The following NCALD variants were observed in gnomAD, a reference collection of about 807,000 sequenced individuals.
The protein encoded by NCALD is neurocalcin-delta.
Under a neutral mutation model 18.6 loss-of-function variants are expected in NCALD, and 10 were observed. That is an observed-to-expected ratio of 0.54 (90% CI 0.33 to 0.91). The LOEUF is 0.91. NCALD is among the 40% of genes least tolerant of loss of function. The pLI, the probability that NCALD is intolerant of heterozygous loss-of-function variation, is 0.03. For missense variants in NCALD, 184 were observed against 247.6 expected, an observed-to-expected ratio of 0.74 and a Z score of 1.72; for synonymous variants, 88 against 87.4, an observed-to-expected ratio of 1.01 and a Z score of -0.04.
intron 3 of NCALD, among the ~76,000 whole-genome samples, chr8:101,901,298 CA>C (rs60499816): frequency 0.07 from 10,341 of 148,530 alleles, 723 homozygotes; most frequent in African/African-American, 0.18. Context: ...TCCATCATGT[CA>C]AAAAAAAAAT....
intron 1 of NCALD, among the ~76,000 whole-genome samples, chr8:102,109,189 C>A (rs1444893109): frequency 6.6e-6 from 1 of 152,082 alleles, no homozygotes. Context: ...ATTCTTCCCT[C>A]CCTTAGAAAA....
At chr8:101,801,293 C>T (rs1411189247) in intron 4 of NCALD, among the ~76,000 whole-genome samples, 2 of 152,042 alleles carry the variant, frequency 1.3e-5, no homozygotes, top group Non-Finnish European at 2.9e-5. Flanking sequence ...TGGTAACTTA[C>T]ACAACCAGCA....
rs149315691 is a variant in NCALD at position 102,082,192 on chromosome 8, C to T, written c.-210+42045G>A. 2.6e-3 allele frequency among the ~76,000 whole-genome samples: 382 copies of T among 149,056 alleles called. 2 individuals are homozygous for T. Among genetic ancestry groups the T allele is most frequent in the African/African-American group, 9.0e-3 (360 of 40,102 alleles). On this transcript the variant is annotated intron_variant, in intron 1 of 6. Transcript: ENST00000311028. ...GGTGCTTATTATTCTCAAATAATAG[C>T]CCTTTCAATGGGCAGTTATTTGAGA...
intron 2 of NCALD, among the ~76,000 whole-genome samples, chr8:101,700,919 A>C (rs1815235159): frequency 6.6e-6 from 1 of 152,144 alleles, no homozygotes; most frequent in Non-Finnish European, 1.5e-5. Flanking sequence ...ACCACGTCTG[A>C]GTGTGTTGTG....
At chr8:101,763,809 C>A (rs922401881) in intron 1 of NCALD, among the ~76,000 whole-genome samples, 4 of 151,992 alleles carry the variant, frequency 2.6e-5, no homozygotes, top group African/African-American at 9.7e-5. Context: ...AAAACATTGG[C>A]TCTTCCTGGG....
At chr8:101,998,343 C>A (rs980445230) in intron 2 of NCALD, among the ~76,000 whole-genome samples, 1 of 152,118 alleles carries the variant, frequency 6.6e-6, no homozygotes, top group Non-Finnish European at 1.5e-5. Context: ...TTGCAATGGG[C>A]GATTTTGCTG....
At position 101,763,506 on chromosome 8, in the gene NCALD, G is replaced by T. The variant is rs112527481; in HGVS notation, c.-20+27356C>A. On this transcript the variant is annotated intron_variant, in intron 1 of 3. Transcript: ENST00000220931. ...GATCGACAGTCTAATTTTCAGACGTGCTGTGTGTGATCGTTCATCTTATGT... is the reference window on the plus strand; with the variant it reads ...GATCGACAGTCTAATTTTCAGACGTTCTGTGTGTGATCGTTCATCTTATGT... Among the ~76,000 whole-genome samples the T allele has an allele frequency of 9.4e-3, 1,437 of 152,246 alleles. 32 individuals are homozygous for T. Among genetic ancestry groups the T allele is most frequent in the African/African-American group, 0.03 (1,260 of 41,540 alleles).
intron 1 of NCALD, among the ~76,000 whole-genome samples, chr8:102,029,504 T>C (rs1351247914): frequency 6.6e-6 from 1 of 152,216 alleles, no homozygotes; most frequent in Non-Finnish European, 1.5e-5. Flanking sequence ...GTCACAGACA[T>C]TGATGTCATA....
intron 2 of NCALD, among the ~76,000 whole-genome samples, chr8:101,928,253 G>T (rs1818410994): frequency 6.6e-6 from 1 of 152,258 alleles, no homozygotes; most frequent in Middle Eastern, 3.4e-3. Context: ...CCCGGTAGAA[G>T]AACTAGGATT....
intron 2 of NCALD, among the ~76,000 whole-genome samples, chr8:102,018,975 A>G (rs1171521253): frequency 1.3e-5 from 2 of 152,174 alleles, no homozygotes; most frequent in Non-Finnish European, 2.9e-5. Context: ...CCACAGAAAA[A>G]GAGAAGATAT....
chr8:102,012,915 A>G (rs1427335971), intron 2 of NCALD, among the ~76,000 whole-genome samples: 1 of 152,192 alleles, frequency 6.6e-6, no homozygotes, highest in Non-Finnish European at 1.5e-5. Flanking sequence ...ATATAAAGCA[A>G]CTAATATAAT....
chr8:102,110,699 G>A (rs1203838739), intron 1 of NCALD, among the ~76,000 whole-genome samples: 1 of 152,160 alleles, frequency 6.6e-6, no homozygotes. Context: ...CTAAAAATGT[G>A]TTAAGACTTT....
At chr8:101,976,757 C>G (rs546442326) in intron 2 of NCALD, among the ~76,000 whole-genome samples, 1 of 152,258 alleles carries the variant, frequency 6.6e-6, no homozygotes, top group Admixed American at 6.5e-5. Flanking sequence ...CCAGTGTATA[C>G]CCAGGTGCAC....
intron 4 of NCALD, among the ~76,000 whole-genome samples, chr8:101,866,243 C>A (rs889885304): frequency 3.9e-5 from 6 of 152,222 alleles, no homozygotes; most frequent in Admixed American, 6.5e-5. Context: ...CCTACCTTCC[C>A]AAATGCTTGT....
chr8:101,703,435 T>A (rs908922079), intron 2 of NCALD, among the ~76,000 whole-genome samples: 1 of 151,468 alleles, frequency 6.6e-6, no homozygotes, highest in African/African-American at 2.4e-5. Flanking sequence ...AACATCAGCA[T>A]GAGATTAGAG....
chr8:101,991,321 C>T (rs117129367), intron 2 of NCALD, among the ~76,000 whole-genome samples: 1,705 of 152,144 alleles, frequency 0.011, 18 homozygotes, highest in Non-Finnish European at 0.013. Flanking sequence ...GCTACCTGTT[C>T]CTATGAGGCT....
chr8:101,924,105 T>G (rs1345399676), intron 2 of NCALD, among the ~76,000 whole-genome samples: 1 of 152,188 alleles, frequency 6.6e-6, no homozygotes, highest in Non-Finnish European at 1.5e-5. Context: ...CCCCAGGGTC[T>G]ATTGTTCCCA....
At chr8:101,899,111 T>C (rs982687377) in intron 3 of NCALD, among the ~76,000 whole-genome samples, 2 of 151,576 alleles carry the variant, frequency 1.3e-5, no homozygotes, top group Admixed American at 1.3e-4. Context: ...CATAAATGTT[T>C]CATTAGATAT....
chr8:101,982,449 A>G (rs376990538), intron 2 of NCALD, among the ~76,000 whole-genome samples: 2 of 152,224 alleles, frequency 1.3e-5, no homozygotes, highest in Non-Finnish European at 2.9e-5. Flanking sequence ...ATAAAATACT[A>G]TGAACCTACC....
Sources: allele counts gnomAD v4.1 joint callset (sites outside exome capture counted in the v4.1 genomes callset), GRCh38; gene constraint gnomAD v4.1.1; transcripts MANE v1.5; gene names NCBI Gene and HGNC (gene_info 2026-07-23, HGNC 2026-07-21).